POLR3GL: variants seen among roughly 807,000 people sequenced by gnomAD.
POLR3GL encodes DNA-directed RNA polymerase III subunit RPC7-like.
In POLR3GL, 26 loss-of-function variants were observed where a neutral mutation model predicts 32.4. The ratio of observed to expected loss-of-function variants is 0.80; its 90% CI spans 0.59 to 1.11. The LOEUF (loss-of-function observed/expected upper bound fraction) is 1.11. Ranked by LOEUF, POLR3GL falls within the 50% of genes most tolerant of loss-of-function variation. The pLI is 0.00. For synonymous variants in POLR3GL, 95 were observed against 98.7 expected (o/e 0.96, Z 0.22); for missense variants, 229 against 280.1 (o/e 0.82, Z 1.30).
chr1:145,968,850 C>T (rs974739813), intron 1 of POLR3GL, among the ~76,000 whole-genome samples: 2 of 152,130 alleles, frequency 1.3e-5, no homozygotes, highest in Non-Finnish European at 2.9e-5. Context: ...GGATTACAAG[C>T]ATGAGCCACC....
chr1:145,974,879 G>C lies in POLR3GL; in HGVS notation c.14G>C (p.Gly5Ala), dbSNP rs782358383. 3 of 1,516,352 alleles carry C rather than the reference G, an allele frequency of 2.0e-6. No individual in the cohort carries two copies. The allele number at this position is 1,516,352 out of a possible 1,614,324, so 93.9% of individuals were successfully genotyped here. MASR[G>A]GGRGRGRGQL... is the part of the protein sequence containing the mutation. ...GCCCCCTCCACCATGGCCAGCCGGG[G>C]TGGGGGCCGGGGTCGTGGCCGGGGC... is the stretch of plus-strand genomic sequence containing the variant. The change falls in exon 2 of 8, where the codon GGT becomes GCT. Residue 5 changes from glycine to alanine, a missense_variant. Gly to Ala is a moderately conservative substitution (Grantham distance 60, BLOSUM62 0). Coordinates refer to ENST00000369314, the MANE Select transcript of POLR3GL (RefSeq NM_032305.3).
intron 1 of POLR3GL, among the ~76,000 whole-genome samples, chr1:145,966,137 A>G (rs1009888597): frequency 2.4e-4 from 36 of 150,776 alleles, no homozygotes; most frequent in Admixed American, 2.0e-4. Context: ...AAAAAAAAAA[A>G]AAAAGGAAAT....
At chr1:145,977,208 A>C in intron 4 of POLR3GL, 56 bp downstream of exon 4, 6 of 1,455,212 alleles carry the variant, frequency 4.1e-6, no homozygotes, top group Non-Finnish European at 5.8e-6. Context: ...GGGATGCTTC[A>C]AGCTATTCCC....
intron 1 of POLR3GL, among the ~76,000 whole-genome samples, chr1:145,967,376 A>G (rs1447299056): frequency 6.6e-6 from 1 of 151,944 alleles, no homozygotes; most frequent in Admixed American, 6.6e-5. Context: ...GGGTTTCTCT[A>G]TGTTGCCCAG....
At chr1:145,972,451 A>C (rs1559254858) in intron 1 of POLR3GL, among the ~76,000 whole-genome samples, 1 of 150,646 alleles carries the variant, frequency 6.6e-6, no homozygotes, top group Non-Finnish European at 1.5e-5. Context: ...TACATATTTT[A>C]TTTGGAATTC....
At chr1:145,966,420 G>A (rs1208390256) in intron 1 of POLR3GL, among the ~76,000 whole-genome samples, 4 of 149,412 alleles carry the variant, frequency 2.7e-5, no homozygotes, top group African/African-American at 9.9e-5. Flanking sequence ...AGTCGAGGCT[G>A]CAGTGAGCCA....
Position 145,978,423 on chromosome 1 carries a change from C to A in POLR3GL, c.633C>A (p.Asp211Glu), listed in dbSNP as rs782090866. The A allele has an allele frequency of 5.0e-6, 8 of 1,608,934 alleles. No homozygotes were observed. The highest frequency in any genetic ancestry group is 5.1e-6 in the Non-Finnish European group (6 of 1,175,938). Residue 211 changes from aspartate to glutamate, a missense_variant, in exon 8 of 8, where the codon GAC (aspartate) becomes GAA (glutamate). By Grantham distance (45) the Asp-to-Glu change is conservative (BLOSUM62 2). Coordinates refer to ENST00000369314, the MANE Select transcript of POLR3GL (RefSeq NM_032305.3). ...NGEDFGGDSD[D>E]NMDEAIY ...AGGACTTTGGTGGTGACAGTGATGA[C>A]AATATGGACGAGGCTATATACTGAA...
intron 5 of POLR3GL, 36 bp from the exon 6 acceptor site, chr1:145,977,741 TG>T: frequency 6.2e-7 from 1 of 1,601,746 alleles, no homozygotes; most frequent in South Asian, 1.1e-5. Context: ...TGGCAAAATT[TG>T]CTCTCTGAAG....
chr1:145,975,734 C>G (rs1650522303), intron 3 of POLR3GL, among the ~76,000 whole-genome samples: 1 of 151,828 alleles, frequency 6.6e-6, no homozygotes. Flanking sequence ...ATAGGGTGTC[C>G]TTATGTTGTC....
intron 1 of POLR3GL, among the ~76,000 whole-genome samples, chr1:145,968,762 G>A (rs1025184736): frequency 3.3e-5 from 5 of 151,744 alleles, no homozygotes; most frequent in Non-Finnish European, 7.4e-5. Flanking sequence ...TAGTAGAGAC[G>A]GGGTTTCACT....
intron 1 of POLR3GL, among the ~76,000 whole-genome samples, chr1:145,971,214 C>A (rs1553762631): frequency 6.8e-6 from 1 of 147,104 alleles, no homozygotes; most frequent in African/African-American, 2.5e-5. Context: ...AAAATTGATT[C>A]GTATATTTGT....
chr1:145,972,380 C>CAAAA (rs782476722), intron 1 of POLR3GL, among the ~76,000 whole-genome samples: 1 of 82,530 alleles, frequency 1.2e-5, no homozygotes. Context: ...AACTCCATCT[C>CAAAA]AAAAAAAAAA....
At chr1:145,972,799 A>G (rs1384879521) in intron 1 of POLR3GL, among the ~76,000 whole-genome samples, 2 of 152,108 alleles carry the variant, frequency 1.3e-5, no homozygotes, top group Non-Finnish European at 1.5e-5. Flanking sequence ...CCCCGGCTCA[A>G]GCAATCCTTC....
chr1:145,975,493 C>G, intron 3 of POLR3GL, 57 bp downstream of exon 3: 2 of 1,585,878 alleles, frequency 1.3e-6, no homozygotes. Context: ...GTGCCCTGTG[C>G]TCAGCACCAC....
chr1:145,971,995 T>A lies in POLR3GL; in HGVS notation c.-41-2830T>A, dbSNP rs868921305. On this transcript the variant is annotated intron_variant, in intron 1 of 7. Coordinates refer to ENST00000369314, the MANE Select transcript of POLR3GL (RefSeq NM_032305.3). ...AAAAAAAAAAAAAAAAAAAAATATATATATATATATATATATACGTGTGTG... is the reference window on the plus strand; with the variant it reads ...AAAAAAAAAAAAAAAAAAAAATATAAATATATATATATATATACGTGTGTG... Among the ~76,000 whole-genome samples, 735 of 105,440 alleles carry A rather than the reference T, an allele frequency of 7.0e-3. 6 individuals are homozygous for A. Among genetic ancestry groups the A allele is most frequent in the Middle Eastern group, 0.011 (2 of 190 alleles). 69.2% of individuals were successfully genotyped at this position (105,440 alleles called of 152,430 possible). A position where few individuals can be genotyped will look rare whatever the true frequency, so the allele number is the denominator to read the frequency against.
chr1:145,977,616 C>T, intron 5 of POLR3GL, 77 bp downstream of exon 5: 2 of 1,422,694 alleles, frequency 1.4e-6, no homozygotes, highest in Middle Eastern at 1.8e-4. Context: ...CTGCTGGTCT[C>T]ACCTTCCATC....
chr1:145,969,445 G>T (rs996306872), intron 1 of POLR3GL, among the ~76,000 whole-genome samples: 1 of 151,320 alleles, frequency 6.6e-6, no homozygotes, highest in Non-Finnish European at 1.5e-5. Flanking sequence ...TTGTATTTTA[G>T]TAGAGACGGG....
At chr1:145,976,912 CAA>C (rs1214882660) in intron 3 of POLR3GL, among the ~76,000 whole-genome samples, 170 bp from the exon 4 acceptor site, 61 of 101,450 alleles carry the variant, frequency 6.0e-4, no homozygotes, top group African/African-American at 2.2e-3. Flanking sequence ...GACTCTGTCT[CAA>C]AAAAAAAAAA....
At chr1:145,978,117 C>G (rs1650648805) in intron 7 of POLR3GL, 21 bp downstream of exon 7, 1 of 1,576,278 alleles carries the variant, frequency 6.3e-7, no homozygotes, top group Non-Finnish European at 8.6e-7. Flanking sequence ...CTCCTTCCAC[C>G]TTAGTCCCCC....
Sources: allele counts gnomAD v4.1 joint callset (sites outside exome capture counted in the v4.1 genomes callset), GRCh38; gene constraint gnomAD v4.1.1; transcripts MANE v1.5; gene names NCBI Gene and HGNC (gene_info 2026-07-23, HGNC 2026-07-21).